DNAJA1: variants seen among roughly 807,000 people sequenced by gnomAD.
The protein encoded by DNAJA1 is dnaJ homolog subfamily A member 1.
Under a neutral mutation model 47.6 loss-of-function variants are expected in DNAJA1, and 26 were observed. The observed-to-expected ratio is 0.55, with a 90% CI of 0.40 to 0.76. The LOEUF is 0.76. DNAJA1 is among the 30% of genes least tolerant of loss of function. The pLI is 0.00. For missense variants in DNAJA1, 315 were observed against 485.0 expected (o/e 0.65, Z 3.29); for synonymous variants, 165 against 158.4 (o/e 1.04, Z -0.31).
chr9:33,026,979 GAGAA>G lies in DNAJA1; in HGVS notation c.302_305del (p.Glu101GlyfsTer12). 6.2e-7 allele frequency: 1 copy of G among 1,614,156 alleles called. No individual in the cohort carries two copies. Among genetic ancestry groups the G allele is most frequent in the Non-Finnish European group, 8.5e-7 (1 of 1,180,034 alleles). ...TTTGGAGGAGGAGGAAGGATGCAGA[GAGAA>G]AGGAGAGGTAAGAAGAATCTAGTCT... On this transcript the variant is annotated frameshift_variant, in exon 3 of 9. Transcript: ENST00000330899. LOFTEE classifies it high-confidence loss of function.
chr9:33,036,410 T>C (rs960384866), intron 6 of DNAJA1, among the ~76,000 whole-genome samples, 164 bp from the exon 7 acceptor site: 3 of 152,106 alleles, frequency 2.0e-5, no homozygotes, highest in African/African-American at 7.2e-5. Context: ...TTGCACATGT[T>C]TGCTCTTCCC....
chr9:33,028,256 A>G lies in DNAJA1; in HGVS notation c.310+1266A>G, dbSNP rs7860121. Among the ~76,000 whole-genome samples the G allele has an allele frequency of 4.9e-3, 749 of 152,292 alleles. 8 individuals carry two copies. Among genetic ancestry groups the G allele is most frequent in the African/African-American group, 0.017 (721 of 41,558 alleles). On this transcript the variant is annotated intron_variant, in intron 3 of 8. Transcript: ENST00000330899. ...AAAACTGGTTCGTTGCCTGCCATCT[A>G]TCTATTCTTGTTTCAGCTTTATTGT...
In DNAJA1 at chr9:33,039,078, T is replaced by C. The variant is rs1169928352; in HGVS notation, c.*175T>C. ...AAATATAAAAGCTCTGATTTTGCCC[T>C]GTATGTATGATGACTTCAGTGTGCA... On this transcript the variant is annotated 3_prime_UTR_variant, in exon 9 of 9. Coordinates refer to ENST00000330899, the MANE Select transcript of DNAJA1 (RefSeq NM_001539.4). The C allele has an allele frequency of 7.7e-6, 5 of 645,320 alleles. No homozygotes were observed. Among genetic ancestry groups the C allele is most frequent in the Non-Finnish European group, 1.3e-5 (5 of 382,672 alleles). 40.0% of individuals were successfully genotyped at this position (645,320 alleles called of 1,614,324 possible).
intron 6 of DNAJA1, among the ~76,000 whole-genome samples, chr9:33,035,004 T>C (rs1839012188): frequency 6.9e-6 from 1 of 145,348 alleles, no homozygotes; most frequent in Non-Finnish European, 1.5e-5. Context: ...ATCATGCCAC[T>C]GCATTCTAGC....
chr9:33,028,778 A>G (rs950169465), intron 3 of DNAJA1, among the ~76,000 whole-genome samples: 3 of 152,182 alleles, frequency 2.0e-5, no homozygotes, highest in Non-Finnish European at 4.4e-5. Context: ...TTCCTTCCTT[A>G]TACTCAACAC....
intron 7 of DNAJA1, 142 bp from the exon 8 acceptor site, chr9:33,036,873 C>T (rs1839043198): frequency 2.4e-6 from 2 of 842,248 alleles, no homozygotes; most frequent in African/African-American, 1.7e-5. Flanking sequence ...TTGGAAAACC[C>T]ATAAGTGAAA....
intron 6 of DNAJA1, among the ~76,000 whole-genome samples, chr9:33,034,558 T>C (rs890961194): frequency 6.6e-6 from 1 of 152,200 alleles, no homozygotes; most frequent in Admixed American, 6.5e-5. Context: ...ATTAGATGTT[T>C]TGTGTGAACC....
At chr9:33,028,184 C>T (rs1047912014) in intron 3 of DNAJA1, among the ~76,000 whole-genome samples, 5 of 152,082 alleles carry the variant, frequency 3.3e-5, no homozygotes, top group African/African-American at 1.2e-4. Flanking sequence ...GTTCAGAAAC[C>T]TAAAACTTCT....
chr9:33,034,509 T>G (rs1839006269), intron 6 of DNAJA1, among the ~76,000 whole-genome samples, 179 bp downstream of exon 6: 1 of 152,212 alleles, frequency 6.6e-6, no homozygotes, highest in Non-Finnish European at 1.5e-5. Flanking sequence ...GATTTTTAGC[T>G]TTTTGTCTCT....
At chr9:33,035,115 C>T (rs912461810) in intron 6 of DNAJA1, among the ~76,000 whole-genome samples, 1 of 144,282 alleles carries the variant, frequency 6.9e-6, no homozygotes, top group Non-Finnish European at 1.5e-5. Flanking sequence ...ATTAATATTT[C>T]AGCTTGGTTT....
intron 6 of DNAJA1, among the ~76,000 whole-genome samples, chr9:33,035,922 C>T (rs1564014594): frequency 6.6e-6 from 1 of 152,090 alleles, no homozygotes; most frequent in Non-Finnish European, 1.5e-5. Flanking sequence ...TGTTAGAGTC[C>T]CTTTAAATTG....
At chr9:33,030,246 A>AAGTT (rs3065218) in intron 4 of DNAJA1, among the ~76,000 whole-genome samples, 194 bp from the exon 5 acceptor site, 49,541 of 151,770 alleles carry the variant, frequency 0.33, 8,332 homozygotes, top group Non-Finnish European at 0.37. Flanking sequence ...TAATAAGTAA[A>AAGTT]ATTTATTGGA....
chr9:33,034,402 GTTTTT>G, intron 6 of DNAJA1, 72 bp downstream of exon 6: 3 of 1,223,632 alleles, frequency 2.5e-6, no homozygotes, highest in Non-Finnish European at 3.5e-6. Flanking sequence ...TTGTTTTTTT[GTTTTT>G]TTTAAAGTGT....
intron 4 of DNAJA1, 96 bp downstream of exon 4, chr9:33,030,085 T>C: frequency 8.3e-7 from 1 of 1,198,790 alleles, no homozygotes; most frequent in East Asian, 2.5e-5. Context: ...ATATGTAAAA[T>C]TGATTCATGT....
At chr9:33,028,025 CAAAAAAAAAAAA>C (rs144327341) in intron 3 of DNAJA1, among the ~76,000 whole-genome samples, 3 of 77,918 alleles carry the variant, frequency 3.9e-5, no homozygotes, top group Non-Finnish European at 5.0e-5. Context: ...ACTCTTGTCT[CAAAAAAAAAAAA>C]AAAAAAAAAA....
At chr9:33,038,113 T>C (rs1839063840) in intron 8 of DNAJA1, among the ~76,000 whole-genome samples, 1 of 151,996 alleles carries the variant, frequency 6.6e-6, no homozygotes, top group African/African-American at 2.4e-5. Context: ...CAAGCAGTTC[T>C]CCTGCCTCAG....
rs1313997421 is a variant in DNAJA1 at position 33,039,060 on chromosome 9, A to G, written c.*157A>G. 2.4e-5 allele frequency: 18 copies of G among 737,416 alleles called. No individual in the cohort carries two copies. The Middle Eastern group carries it at 7.8e-4, about 32-fold the overall frequency. 45.7% of individuals were successfully genotyped at this position (737,416 alleles called of 1,614,324 possible). ...TAAATGAAGAATAAACGCAAATATA[A>G]AAGCTCTGATTTTGCCCTGTATGTA... On this transcript the variant is annotated 3_prime_UTR_variant, in exon 9 of 9. Coordinates refer to ENST00000330899, the MANE Select transcript of DNAJA1 (RefSeq NM_001539.4).
chr9:33,031,567 G>A (rs992313483), intron 5 of DNAJA1, among the ~76,000 whole-genome samples: 2 of 151,998 alleles, frequency 1.3e-5, no homozygotes, highest in Admixed American at 1.3e-4. Context: ...AGGTAGCTGG[G>A]ACTACAGGTG....
rs554499377 is a variant in DNAJA1, at chr9:33,038,369, G to A, written c.976-316G>A. Among the ~76,000 whole-genome samples, 12 of 152,288 alleles carry A rather than the reference G, an allele frequency of 7.9e-5. No individual in the cohort carries two copies. In the East Asian group the frequency reaches 9.6e-4, roughly 12 times the overall value. ...AAGAATAGCTTTGTTTAAATATGTC[G>A]TAAGAAGGGTTAGGCTGTTGCAGGA... On this transcript the variant is annotated intron_variant, in intron 8 of 8. Transcript: ENST00000330899.
Sources: gnomAD v4.1 joint callset for allele counts (sites outside exome capture counted in the v4.1 genomes callset) on GRCh38, gnomAD v4.1.1 for gene constraint, MANE v1.5 for transcripts, NCBI Gene and HGNC (gene_info 2026-07-23, HGNC 2026-07-21) for gene names.